Variants in QTGAL observed in about 807,000 individuals in gnomAD.
The protein encoded by QTGAL is BGnT-like protein 1.
At chr17:82,954,588 A>AC in the QTGAL span, among the ~76,000 whole-genome samples, 1 of 152,226 alleles carries the variant, frequency 6.6e-6, no homozygotes, top group Non-Finnish European at 1.5e-5. Context: ...TCCCATTCCC[A>AC]TCAAGCTGCC....
the QTGAL span, among the ~76,000 whole-genome samples, chr17:83,001,392 C>G: frequency 1.3e-5 from 2 of 152,162 alleles, no homozygotes; most frequent in Non-Finnish European, 2.9e-5. Flanking sequence ...TATGCACCTT[C>G]TTTAGATCTC....
At chr17:82,946,723 C>T in the QTGAL span, among the ~76,000 whole-genome samples, 1 of 151,994 alleles carries the variant, frequency 6.6e-6, no homozygotes, top group Non-Finnish European at 1.5e-5. Context: ...ATTCTGAAGT[C>T]GTGAATTATA....
the QTGAL span, among the ~76,000 whole-genome samples, chr17:82,970,268 C>T: frequency 1.6e-4 from 24 of 152,334 alleles, no homozygotes; most frequent in East Asian, 3.9e-4. Flanking sequence ...CCACGGGCCC[C>T]GAGGCCCCCT....
chr17:83,035,845 A>G, the QTGAL span, among the ~76,000 whole-genome samples: 6 of 137,170 alleles, frequency 4.4e-5, no homozygotes, highest in African/African-American at 1.9e-4. Flanking sequence ...GAGGTCACTG[A>G]GGTAGACCCT....
chr17:82,976,154 C>G, the QTGAL span, among the ~76,000 whole-genome samples: 1 of 25,170 alleles, frequency 4.0e-5, no homozygotes, highest in Non-Finnish European at 8.0e-5. Context: ...ACGAGGGCCC[C>G]GGGACAGAGC....
the QTGAL span, among the ~76,000 whole-genome samples, chr17:82,983,099 G>A: frequency 1.3e-5 from 2 of 152,120 alleles, no homozygotes; most frequent in Non-Finnish European, 2.9e-5. Flanking sequence ...TGCCCAACAT[G>A]CTGAAACCTG....
At chr17:82,966,083 CTT>C in the QTGAL span, among the ~76,000 whole-genome samples, 48 of 141,072 alleles carry the variant, frequency 3.4e-4, no homozygotes, top group South Asian at 6.8e-4. Context: ...CTGATTTTTA[CTT>C]TTTTTTTTTT....
At chr17:82,942,321 C>T in the QTGAL span, 75 of 1,377,980 alleles carry the variant, frequency 5.4e-5, no homozygotes, top group Admixed American at 8.5e-5. Context: ...GTGTGGGAAA[C>T]GGCACAAATG....
chr17:83,016,779 G>A, the QTGAL span, among the ~76,000 whole-genome samples: 2 of 151,708 alleles, frequency 1.3e-5, no homozygotes, highest in East Asian at 3.9e-4. Context: ...AAGGAGGGAG[G>A]AGGGAGGAAG....
the QTGAL span, among the ~76,000 whole-genome samples, chr17:83,018,351 C>A: frequency 6.6e-6 from 1 of 152,346 alleles, no homozygotes; most frequent in South Asian, 2.1e-4. Flanking sequence ...ATGTACCACA[C>A]GTGCTCCGTG....
chr17:83,013,414 C>G, the QTGAL span, among the ~76,000 whole-genome samples: 1 of 122,648 alleles, frequency 8.2e-6, no homozygotes, highest in Non-Finnish European at 1.7e-5. Context: ...ATGCTGCCCC[C>G]CCAAACCCCC....
At chr17:82,959,954 C>A in the QTGAL span, among the ~76,000 whole-genome samples, 12 of 152,298 alleles carry the variant, frequency 7.9e-5, no homozygotes, top group Non-Finnish European at 1.2e-4. Flanking sequence ...CTTTTTACAT[C>A]CTCAGAGGAA....
At chr17:83,029,059 G>C in the QTGAL span, among the ~76,000 whole-genome samples, 1 of 152,224 alleles carries the variant, frequency 6.6e-6, no homozygotes, top group Non-Finnish European at 1.5e-5. Context: ...CAGGGCAGTG[G>C]CTGCCGTGGG....
the QTGAL span, among the ~76,000 whole-genome samples, chr17:82,980,638 A>ATAC: frequency 1.3e-5 from 2 of 152,366 alleles, no homozygotes; most frequent in Admixed American, 1.3e-4. Flanking sequence ...ATGTTATTCA[A>ATAC]GGATACAGAT....
chr17:82,959,987 G>T, the QTGAL span, among the ~76,000 whole-genome samples: 1 of 152,128 alleles, frequency 6.6e-6, no homozygotes, highest in Non-Finnish European at 1.5e-5. Context: ...CCTTAGCACC[G>T]GGAAAGGTGG....
At chr17:82,965,159 CG>C in the QTGAL span, among the ~76,000 whole-genome samples, 1 of 131,448 alleles carries the variant, frequency 7.6e-6, no homozygotes. Context: ...TGCACTCCCA[CG>C]GGGGGGATGG....
the QTGAL span, among the ~76,000 whole-genome samples, chr17:82,966,838 G>C: frequency 6.6e-6 from 1 of 152,212 alleles, no homozygotes; most frequent in Non-Finnish European, 1.5e-5. Context: ...TGCCACCAAA[G>C]TCAAATATTT....
the QTGAL span, among the ~76,000 whole-genome samples, chr17:83,029,848 G>A: frequency 1.8e-4 from 27 of 152,144 alleles, no homozygotes; most frequent in African/African-American, 5.3e-4. Context: ...TAAAACCCCC[G>A]GCAAGGCTCT....
chr17:82,948,778 A>G, the QTGAL span: 4 of 152,392 alleles, frequency 2.6e-5, no homozygotes, highest in African/African-American at 9.6e-5. Flanking sequence ...ATCCAAATAG[A>G]AAAATTGGCA....
Sources: allele counts gnomAD v4.1 joint callset (sites outside exome capture counted in the v4.1 genomes callset), GRCh38; gene constraint gnomAD v4.1.1; transcripts MANE v1.5; gene names NCBI Gene and HGNC (gene_info 2026-07-23, HGNC 2026-07-21).